Variants in DCHS2 observed in about 807,000 individuals in gnomAD.
DCHS2 encodes protocadherin-23.
In DCHS2, 142 loss-of-function variants were observed where a neutral mutation model predicts 182.4. The observed-to-expected ratio is 0.78, with a 90% confidence interval of 0.68 to 0.89. DCHS2 has a LOEUF of 0.89. DCHS2 is among the 40% of genes least tolerant of loss of function. The probability of loss-of-function intolerance (pLI) is 0.00; values close to 1 mark genes in which losing one functional copy is unlikely to be tolerated. For synonymous variants in DCHS2, 1,740 were observed against 1,663.3 expected (o/e 1.05, Z -1.12); for missense variants, 4,319 against 4,198.6 (o/e 1.03, Z -0.79).
intron 1 of DCHS2, among the ~76,000 whole-genome samples, chr4:154,463,833 T>C (rs1032906932): frequency 6.6e-6 from 1 of 152,104 alleles, no homozygotes; most frequent in Non-Finnish European, 1.5e-5. Context: ...AGACTTCATA[T>C]AGATTCCATG....
chr4:154,373,834 G>T, intron 2 of DCHS2: 2 of 1,081,470 alleles, frequency 1.8e-6, no homozygotes, highest in Non-Finnish European at 1.4e-6. Flanking sequence ...GCACTCAGGG[G>T]AGAAGGAAAA....
chr4:154,432,418 T>C (rs1018625392), intron 1 of DCHS2, among the ~76,000 whole-genome samples: 1 of 152,222 alleles, frequency 6.6e-6, no homozygotes, highest in African/African-American at 2.4e-5. Flanking sequence ...TCATTTTCTT[T>C]ATCAGGCAAA....
intron 3 of DCHS2, among the ~76,000 whole-genome samples, chr4:154,360,543 T>C (rs1730073104): frequency 6.6e-6 from 1 of 152,126 alleles, no homozygotes; most frequent in Non-Finnish European, 1.5e-5. Flanking sequence ...CAGGCTCACA[T>C]CCCTTATGAA....
At chr4:154,287,622 A>G (rs1039310089) in intron 13 of DCHS2, among the ~76,000 whole-genome samples, 1 of 152,112 alleles carries the variant, frequency 6.6e-6, no homozygotes, top group African/African-American at 2.4e-5. Flanking sequence ...CTGAGATTAC[A>G]GGTATGTGCA....
At chr4:154,451,727 T>C (rs1016666365) in intron 1 of DCHS2, among the ~76,000 whole-genome samples, 3 of 151,202 alleles carry the variant, frequency 2.0e-5, no homozygotes, top group Admixed American at 6.6e-5. Context: ...CAAATACTGC[T>C]TCTGGTTGTT....
chr4:154,460,633 G>C (rs771235301), intron 1 of DCHS2, among the ~76,000 whole-genome samples: 19 of 152,122 alleles, frequency 1.2e-4, no homozygotes, highest in Admixed American at 1.2e-3. Context: ...AAGGCTGGTG[G>C]AAATAGTTTT....
intron 1 of DCHS2, among the ~76,000 whole-genome samples, chr4:154,400,899 G>C (rs945471541): frequency 2.6e-5 from 4 of 152,138 alleles, no homozygotes; most frequent in Admixed American, 6.5e-5. Context: ...CACTCTCTCA[G>C]CCAAGCCTTT....
At chr4:154,283,102 A>G (rs1335857191) in intron 13 of DCHS2, among the ~76,000 whole-genome samples, 1 of 152,192 alleles carries the variant, frequency 6.6e-6, no homozygotes, top group African/African-American at 2.4e-5. Context: ...TTGTGTAACA[A>G]TGTGCACACA....
At chr4:154,405,207 C>A (rs898339817) in intron 1 of DCHS2, among the ~76,000 whole-genome samples, 1 of 152,032 alleles carries the variant, frequency 6.6e-6, no homozygotes, top group South Asian at 2.1e-4. Context: ...GCTGAGATCA[C>A]GCCATTGCAC....
intron 10 of DCHS2, among the ~76,000 whole-genome samples, chr4:154,307,722 T>A (rs1735504261): frequency 1.3e-5 from 2 of 152,156 alleles, no homozygotes; most frequent in South Asian, 4.1e-4. Context: ...TACAGAAAAT[T>A]TCACAACAGC....
intron 17 of DCHS2, among the ~76,000 whole-genome samples, chr4:154,242,441 T>C (rs1731871285): frequency 6.6e-6 from 1 of 152,200 alleles, no homozygotes; most frequent in South Asian, 2.1e-4. Context: ...GGGGACTTGC[T>C]TTGACATTTT....
chr4:154,310,589 G>A (rs1343852048), intron 10 of DCHS2, among the ~76,000 whole-genome samples: 1 of 152,164 alleles, frequency 6.6e-6, no homozygotes, highest in Non-Finnish European at 1.5e-5. Flanking sequence ...ATATTAGAAG[G>A]CCATCAGCAT....
At chr4:154,382,020 T>C (rs568707807) in intron 1 of DCHS2, among the ~76,000 whole-genome samples, 56 of 151,986 alleles carry the variant, frequency 3.7e-4, no homozygotes, top group Non-Finnish European at 7.2e-4. Context: ...CATCACATTA[T>C]CCAACTTCAA....
chr4:154,312,971 C>T (rs1332085274), intron 10 of DCHS2, among the ~76,000 whole-genome samples: 5 of 151,898 alleles, frequency 3.3e-5, no homozygotes, highest in Admixed American at 1.3e-4. Flanking sequence ...TAGACTTAGG[C>T]GGTGCAGTTG....
intron 16 of DCHS2, among the ~76,000 whole-genome samples, chr4:154,254,172 C>T (rs1732530517): frequency 6.6e-6 from 1 of 152,162 alleles, no homozygotes; most frequent in Admixed American, 6.5e-5. Flanking sequence ...TTTGGAAAAA[C>T]CGAAAAACAC....
At position 154,234,217 on chromosome 4, in the gene DCHS2, C is replaced by A; in HGVS notation, c.*319G>T. On this transcript the variant is annotated 3_prime_UTR_variant, in exon 20 of 20. Coordinates refer to ENST00000357232, the MANE Select transcript of DCHS2 (RefSeq NM_001358235.2). ...ACACTATATTTTGTTTCCATATAAA[C>A]ATTCTGGCAGTCAGTTAAGTTCACT... 1 of 229,112 alleles carries A rather than the reference C, an allele frequency of 4.4e-6. No homozygotes were observed. 14.2% of individuals were successfully genotyped at this position (229,112 alleles called of 1,614,324 possible).
At chr4:154,381,948 C>T (rs8180151) in intron 1 of DCHS2, among the ~76,000 whole-genome samples, 129,150 of 152,156 alleles carry the variant, frequency 0.85, 54,953 homozygotes, top group South Asian at 0.92. Flanking sequence ...AAAATTCATA[C>T]GGAACTGAAA....
intron 1 of DCHS2, among the ~76,000 whole-genome samples, chr4:154,431,438 ATT>A (rs1560754260): frequency 1.3e-5 from 2 of 152,056 alleles, no homozygotes; most frequent in South Asian, 4.1e-4. Flanking sequence ...TTATATATAT[ATT>A]GTTAGATATA....
intron 1 of DCHS2, among the ~76,000 whole-genome samples, chr4:154,421,674 G>A (rs1211501451): frequency 1.3e-5 from 2 of 152,160 alleles, no homozygotes; most frequent in South Asian, 2.1e-4. Flanking sequence ...GATTACAGGC[G>A]TAAGCCACCA....
Sources: allele counts gnomAD v4.1 joint callset (sites outside exome capture counted in the v4.1 genomes callset), GRCh38; gene constraint gnomAD v4.1.1; transcripts MANE v1.5; gene names NCBI Gene and HGNC (gene_info 2026-07-23, HGNC 2026-07-21).